The following DEFB119 variants were observed in gnomAD, a reference collection of about 807,000 sequenced individuals.
The protein encoded by DEFB119 is defensin beta 119, also known as beta-defensin 119.
In DEFB119, 3 loss-of-function variants were observed where a neutral mutation model predicts 2.5. That is an observed-to-expected ratio of 1.19 (90% CI 0.54 to 3.07). The LOEUF is 3.07. Among genes scored for constraint, DEFB119 ranks in the 30% most tolerant of loss-of-function variants. The pLI, the probability that DEFB119 is intolerant of heterozygous loss-of-function variation, is 0.03. For missense variants in DEFB119, 113 were observed against 101.1 expected, an observed-to-expected ratio of 1.12 and a Z score of -0.50; for synonymous variants, 29 against 33.7, an observed-to-expected ratio of 0.86 and a Z score of 0.48.
chr20:31,387,102 C>T (rs1196897037), intron 1 of DEFB119, among the ~76,000 whole-genome samples: 2 of 152,090 alleles, frequency 1.3e-5, no homozygotes, highest in Non-Finnish European at 2.9e-5. Context: ...CCACCGCACC[C>T]AGCCTATTGT....
At chr20:31,390,620 G>T, upstream of DEFB119, 1 of 769,820 alleles carries the variant, frequency 1.3e-6, no homozygotes. Flanking sequence ...GGATTTATAT[G>T]AGGTCATCCA....
rs1340367880 is a variant in DEFB119 at position 31,378,317 on chromosome 20, A to G, written c.62-878T>C. The G allele has an allele frequency of 3.7e-6, 6 of 1,614,056 alleles. No individual in the cohort carries two copies. In the African/African-American group the frequency reaches 6.7e-5, roughly 18 times the overall value. ...CATCCCTCCCCATCCCAACCAAGGC[A>G]GTACCAGAGGAAATACACCTGGACT... On this transcript the variant is annotated intron_variant, in intron 1 of 1. Coordinates refer to ENST00000376321, the MANE Select transcript of DEFB119 (RefSeq NM_153289.4).
chr20:31,387,053 T>A (rs1986734325), intron 1 of DEFB119, among the ~76,000 whole-genome samples: 1 of 152,104 alleles, frequency 6.6e-6, no homozygotes, highest in Non-Finnish European at 1.5e-5. Flanking sequence ...GTGATCCACC[T>A]GCCTCGGCCT....
chr20:31,378,775 T>C (rs887781616), intron 1 of DEFB119, among the ~76,000 whole-genome samples: 4 of 152,160 alleles, frequency 2.6e-5, no homozygotes, highest in African/African-American at 9.7e-5. Flanking sequence ...ATCCCTATCG[T>C]TTATAAATTG....
In DEFB119 at chr20:31,390,519, G is replaced by T. The variant is rs369737710; in HGVS notation, c.-36C>A. ...CCTGAGAGGAGGAGGTGGCTGAGCT[G>T]CAGGGGAAGGAAATAGGGTTCCCTG... On this transcript the variant is annotated 5_prime_UTR_variant, in exon 1 of 2. Coordinates refer to ENST00000376321, the MANE Select transcript of DEFB119 (RefSeq NM_153289.4). 5.0e-6 allele frequency: 8 copies of T among 1,605,110 alleles called. No homozygotes were observed. The African/African-American group carries it at 9.4e-5, about 19-fold the overall frequency.
At chr20:31,377,573 A>G in intron 1 of DEFB119, 134 bp from the exon 2 acceptor site, 1 of 987,040 alleles carries the variant, frequency 1.0e-6, no homozygotes, top group Non-Finnish European at 1.5e-6. Flanking sequence ...TTCTACTTCC[A>G]GAAAAAAAAG....
At chr20:31,384,590 G>A (rs567995600) in intron 1 of DEFB119, among the ~76,000 whole-genome samples, 2 of 152,246 alleles carry the variant, frequency 1.3e-5, no homozygotes, top group South Asian at 4.1e-4. Context: ...GTGGATGAGA[G>A]GTGAGTCACA....
At chr20:31,390,271 G>A in intron 1 of DEFB119, 152 bp downstream of exon 1, 1 of 774,312 alleles carries the variant, frequency 1.3e-6, no homozygotes, top group Non-Finnish European at 2.2e-6. Flanking sequence ...AAAAGAATCA[G>A]AGAGAGATAT....
At chr20:31,379,812 C>T (rs1986443346) in intron 1 of DEFB119, among the ~76,000 whole-genome samples, 1 of 152,114 alleles carries the variant, frequency 6.6e-6, no homozygotes, top group Non-Finnish European at 1.5e-5. Flanking sequence ...ACTACAGGCA[C>T]CTGCCACCAC....
intron 1 of DEFB119, chr20:31,389,259 A>T: frequency 6.2e-7 from 1 of 1,613,656 alleles, no homozygotes. Flanking sequence ...ACAATTAAGC[A>T]GATGTTAGTA....
chr20:31,379,890 T>C (rs6058933), intron 1 of DEFB119, among the ~76,000 whole-genome samples: 58,604 of 151,936 alleles, frequency 0.39, 14,165 homozygotes, highest in African/African-American at 0.67. Flanking sequence ...TAGCCTCGAT[T>C]TCCTGACCTC....
chr20:31,378,933 A>G (rs112196056), intron 1 of DEFB119, among the ~76,000 whole-genome samples: 5,330 of 139,500 alleles, frequency 0.038, 322 homozygotes, highest in African/African-American at 0.13. Context: ...GCAGATGAAA[A>G]GTGGACACTT....
Position 31,390,316 on chromosome 20 carries a change from C to A in DEFB119, c.61+107G>T, listed in dbSNP as rs1167648168. 4 of 1,053,224 alleles carry A rather than the reference C, an allele frequency of 3.8e-6. No homozygotes were observed. The East Asian group carries it at 7.2e-5, about 19-fold the overall frequency. 65.2% of individuals were successfully genotyped at this position (1,053,224 alleles called of 1,614,324 possible). A position where few individuals can be genotyped will look rare whatever the true frequency, so the allele number is the denominator to read the frequency against. ...ATGATCCTGGGCAAACCTCCCGAAG[C>A]TGCAGGAGAGAAGGAAAGGCTTCAG... is the stretch of plus-strand genomic sequence containing the variant. On this transcript the variant is annotated intron_variant, in intron 1 of 1. Transcript: ENST00000376321.
At chr20:31,383,844 AAAAT>A (rs528889341) in intron 1 of DEFB119, among the ~76,000 whole-genome samples, 59 of 151,732 alleles carry the variant, frequency 3.9e-4, no homozygotes, top group South Asian at 1.0e-3. Context: ...CTCTGTCTCA[AAAAT>A]AAATAAATAA....
In DEFB119 at chr20:31,377,310, C is replaced by T. The variant is rs1351262197; in HGVS notation, c.191G>A (p.Ser64Asn). The T allele has an allele frequency of 3.1e-6, 5 of 1,613,950 alleles. No individual in the cohort carries two copies. The highest frequency in any genetic ancestry group is 1.3e-5 in the African/African-American group (1 of 74,896). Reference protein sequence around the residue: ...SCCLQSYMRISISGKEENTDW... With the variant: ...SCCLQSYMRINISGKEENTDW... ...GGTATTTTCCTCTTTGCCAGAAATGCTTATCCTCATGTAGGACTGGAGGCA... is the reference window on the plus strand; with the variant it reads ...GGTATTTTCCTCTTTGCCAGAAATGTTTATCCTCATGTAGGACTGGAGGCA... Residue 64 changes from serine to asparagine, a missense_variant, in exon 2 of 2, where the codon AGC (serine) becomes AAC (asparagine). Ser to Asn is a conservative substitution (Grantham distance 46). Coordinates refer to ENST00000376321, the MANE Select transcript of DEFB119 (RefSeq NM_153289.4).
chr20:31,381,203 A>G lies in DEFB119; in HGVS notation c.62-3764T>C, dbSNP rs562329962. On this transcript the variant is annotated intron_variant, in intron 1 of 1. Coordinates refer to ENST00000376321, the MANE Select transcript of DEFB119 (RefSeq NM_153289.4). ...TGAATGGTATTATATTTTTAACTTCAGAGTGCACATGTTCATTGCTATTAT... is the reference window on the plus strand; with the variant it reads ...TGAATGGTATTATATTTTTAACTTCGGAGTGCACATGTTCATTGCTATTAT... 4.6e-5 allele frequency among the ~76,000 whole-genome samples: 7 copies of G among 152,328 alleles called. No homozygotes were observed. In the South Asian group the frequency reaches 1.4e-3, roughly 32 times the overall value.
At chr20:31,380,200 T>G (rs1986455179) in intron 1 of DEFB119, among the ~76,000 whole-genome samples, 1 of 152,210 alleles carries the variant, frequency 6.6e-6, no homozygotes, top group Non-Finnish European at 1.5e-5. Context: ...GGTCTGAATG[T>G]TTTTTCCCAT....
At chr20:31,382,947 A>G (rs962158635) in intron 1 of DEFB119, among the ~76,000 whole-genome samples, 1 of 152,250 alleles carries the variant, frequency 6.6e-6, no homozygotes, top group African/African-American at 2.4e-5. Flanking sequence ...TGTGACGCCA[A>G]TCAAAACTCA....
At chr20:31,379,485 T>A (rs547418372) in intron 1 of DEFB119, among the ~76,000 whole-genome samples, 53 of 143,164 alleles carry the variant, frequency 3.7e-4, no homozygotes, top group African/African-American at 1.5e-3. Flanking sequence ...AATTGAGTTG[T>A]TTATTACTGT....
Sources: allele counts gnomAD v4.1 joint callset (sites outside exome capture counted in the v4.1 genomes callset), GRCh38; gene constraint gnomAD v4.1.1; transcripts MANE v1.5; gene names NCBI Gene and HGNC (gene_info 2026-07-23, HGNC 2026-07-21).